COMMD1: variants seen among roughly 807,000 people sequenced by gnomAD.
The protein encoded by COMMD1 is COMM domain-containing protein 1.
COMMD1 carries 10 observed loss-of-function variants against 17.2 expected under a neutral mutation model. The ratio of observed to expected loss-of-function variants is 0.58; its 90% confidence interval spans 0.36 to 0.99. The LOEUF is 0.99. Among genes scored for constraint, COMMD1 ranks in the 50% least tolerant of loss-of-function variants. The probability of loss-of-function intolerance (pLI) is 0.01; values close to 1 mark genes in which losing one functional copy is unlikely to be tolerated. For missense variants in COMMD1, 270 were observed against 231.8 expected (o/e 1.17, Z -1.07); for synonymous variants, 97 against 91.6 (o/e 1.06, Z -0.34).
chr2:61,977,416 G>T (rs964779305), intron 1 of COMMD1, among the ~76,000 whole-genome samples: 30 of 150,464 alleles, frequency 2.0e-4, no homozygotes, highest in African/African-American at 7.3e-4. Flanking sequence ...GGCTAATTTT[G>T]TATTTTTAGC....
intron 1 of COMMD1, among the ~76,000 whole-genome samples, chr2:61,963,188 T>TAC (rs1308883491): frequency 4.7e-4 from 60 of 128,414 alleles, no homozygotes; most frequent in Middle Eastern, 3.6e-3. Context: ...ATATATATTA[T>TAC]ATACACACAC....
chr2:62,043,875 C>T (rs1670303323), intron 2 of COMMD1, among the ~76,000 whole-genome samples: 1 of 152,116 alleles, frequency 6.6e-6, no homozygotes, highest in Non-Finnish European at 1.5e-5. Context: ...TCTGGTTAGG[C>T]TCTATATCTG....
chr2:62,134,266 G>T (rs982225218), intron 2 of COMMD1, among the ~76,000 whole-genome samples: 1 of 152,274 alleles, frequency 6.6e-6, no homozygotes, highest in South Asian at 2.1e-4. Context: ...CAGTAGTTAG[G>T]AAAATACAGA....
At chr2:61,903,539 G>C (rs1038387687), upstream of COMMD1, among the ~76,000 whole-genome samples, 4 of 151,494 alleles carry the variant, frequency 2.6e-5, no homozygotes, top group Non-Finnish European at 2.9e-5. Flanking sequence ...CCTTGAAAGG[G>C]GCATTTCAGT....
At chr2:62,019,628 A>G (rs1329222156) in intron 2 of COMMD1, among the ~76,000 whole-genome samples, 1 of 152,196 alleles carries the variant, frequency 6.6e-6, no homozygotes, top group Non-Finnish European at 1.5e-5. Context: ...AGACCATAGT[A>G]GTGGATTTTG....
At chr2:61,929,160 G>C (rs1670400909) in intron 1 of COMMD1, among the ~76,000 whole-genome samples, 1 of 152,208 alleles carries the variant, frequency 6.6e-6, no homozygotes, top group South Asian at 2.1e-4. Context: ...CGAGATAACT[G>C]TTTCCAGTTC....
chr2:62,058,999 C>T (rs1173718993), intron 2 of COMMD1, among the ~76,000 whole-genome samples: 3 of 152,052 alleles, frequency 2.0e-5, no homozygotes, highest in African/African-American at 4.8e-5. Context: ...AGGCCGGTCT[C>T]GAACTCCTGA....
intron 2 of COMMD1, among the ~76,000 whole-genome samples, chr2:62,135,311 G>A (rs1673161603): frequency 6.6e-6 from 1 of 151,600 alleles, no homozygotes; most frequent in Non-Finnish European, 1.5e-5. Flanking sequence ...TCTGACATTT[G>A]TACGCCTCTT....
At chr2:62,023,181 G>A (rs1045178413) in intron 2 of COMMD1, among the ~76,000 whole-genome samples, 4 of 151,484 alleles carry the variant, frequency 2.6e-5, no homozygotes, top group African/African-American at 7.3e-5. Context: ...AGCTGAGATC[G>A]TGCCATTGTA....
chr2:61,958,788 GTATT>G (rs1671264153), intron 1 of COMMD1, among the ~76,000 whole-genome samples: 1 of 151,890 alleles, frequency 6.6e-6, no homozygotes, highest in African/African-American at 2.4e-5. Context: ...TTTTTTCATA[GTATT>G]TATTTATAAT....
At chr2:61,933,772 C>CTTTTTTT (rs61702772) in intron 1 of COMMD1, among the ~76,000 whole-genome samples, 39,558 of 148,026 alleles carry the variant, frequency 0.27, 7,025 homozygotes, top group African/African-American at 0.51. Flanking sequence ...TTCTTTTTTT[C>CTTTTTTT]TTTTTTTTGA....
chr2:61,890,560 G>T (rs980514717), intron 1 of COMMD1, among the ~76,000 whole-genome samples: 1 of 152,084 alleles, frequency 6.6e-6, no homozygotes, highest in Non-Finnish European at 1.5e-5. Context: ...AGCACTAGGG[G>T]CCTGGCTCAG....
chr2:62,134,467 T>C (rs189149501), intron 2 of COMMD1, among the ~76,000 whole-genome samples: 1 of 152,244 alleles, frequency 6.6e-6, no homozygotes, highest in Admixed American at 6.5e-5. Context: ...TGCTCCTAGA[T>C]ACATAAAATT....
chr2:62,076,236 GAA>G (rs1258597216), intron 2 of COMMD1, among the ~76,000 whole-genome samples: 2 of 152,230 alleles, frequency 1.3e-5, no homozygotes, highest in African/African-American at 4.8e-5. Flanking sequence ...CCTGTTGGAG[GAA>G]AAGAGCTGTG....
intron 1 of COMMD1, among the ~76,000 whole-genome samples, chr2:61,956,620 A>G (rs1442245216): frequency 6.6e-6 from 1 of 152,094 alleles, no homozygotes; most frequent in Non-Finnish European, 1.5e-5. Context: ...CATGTTGGCC[A>G]GGCTGGTCTC....
At chr2:62,028,113 ATAGAG>A (rs1472609880) in intron 2 of COMMD1, among the ~76,000 whole-genome samples, 1 of 152,214 alleles carries the variant, frequency 6.6e-6, no homozygotes, top group African/African-American at 2.4e-5. Flanking sequence ...TTTAGGAAGA[ATAGAG>A]TAGCAACTAA....
At chr2:62,033,782 C>T (rs1458849044) in intron 2 of COMMD1, among the ~76,000 whole-genome samples, 1 of 151,948 alleles carries the variant, frequency 6.6e-6, no homozygotes, top group African/African-American at 2.4e-5. Flanking sequence ...CCCACCTTGT[C>T]CTCTACATTT....
intron 1 of COMMD1, among the ~76,000 whole-genome samples, chr2:61,990,917 C>T (rs1423924418): frequency 6.7e-6 from 1 of 149,472 alleles, no homozygotes; most frequent in Admixed American, 6.7e-5. Flanking sequence ...CACACACACA[C>T]ACACACACAC....
chr2:62,078,410 G>A lies in COMMD1; in HGVS notation c.463-57421G>A, dbSNP rs370046387. ...CTATTAAAAATAAAAAAAATTAGCCGGGCATGGTGGCACATGCCTGTAATC... is the reference window on the plus strand; with the variant it reads ...CTATTAAAAATAAAAAAAATTAGCCAGGCATGGTGGCACATGCCTGTAATC... On this transcript the variant is annotated intron_variant, in intron 2 of 2. Coordinates refer to ENST00000311832, the MANE Select transcript of COMMD1 (RefSeq NM_152516.4). Among the ~76,000 whole-genome samples, 7 of 141,470 alleles carry A rather than the reference G, an allele frequency of 4.9e-5. No individual in the cohort carries two copies. In the South Asian group the frequency reaches 1.4e-3, roughly 28 times the overall value. The allele number at this position is 141,470 out of a possible 152,430, so 92.8% of individuals were successfully genotyped here.
Sources: allele counts gnomAD v4.1 joint callset (sites outside exome capture counted in the v4.1 genomes callset), GRCh38; gene constraint gnomAD v4.1.1; transcripts MANE v1.5; gene names NCBI Gene and HGNC (gene_info 2026-07-23, HGNC 2026-07-21).